FSTL4: variants seen among roughly 807,000 people sequenced by gnomAD.
FSTL4 encodes follistatin like 4, also known as follistatin-related protein 4.
In FSTL4, 28 loss-of-function variants were observed where a neutral mutation model predicts 78.2. The ratio of observed to expected loss-of-function variants is 0.36; its 90% confidence interval spans 0.27 to 0.49. The LOEUF is 0.49. FSTL4 is among the 20% of genes least tolerant of loss of function. The pLI is 0.98. For synonymous variants in FSTL4, 422 were observed against 440.5 expected (o/e 0.96, Z 0.53); for missense variants, 922 against 1,084.9 (o/e 0.85, Z 2.11).
chr5:133,431,120 C>T (rs1756927626), intron 3 of FSTL4, among the ~76,000 whole-genome samples: 1 of 152,192 alleles, frequency 6.6e-6, no homozygotes, highest in African/African-American at 2.4e-5. Flanking sequence ...CCCCAGGCCC[C>T]CATTCCCCCA....
intron 2 of FSTL4, among the ~76,000 whole-genome samples, chr5:133,602,860 G>T (rs1216980865): frequency 6.6e-6 from 1 of 152,200 alleles, no homozygotes; most frequent in African/African-American, 2.4e-5. Flanking sequence ...TAATGAAAGA[G>T]AAATCATGTC....
intron 3 of FSTL4, among the ~76,000 whole-genome samples, chr5:133,525,962 A>G (rs1759089154): frequency 1.3e-5 from 2 of 152,202 alleles, no homozygotes; most frequent in South Asian, 4.1e-4. Flanking sequence ...CATGCTCAGC[A>G]CTGTGCTGGG....
chr5:133,255,127 C>G (rs560200279), intron 6 of FSTL4, among the ~76,000 whole-genome samples: 1 of 152,178 alleles, frequency 6.6e-6, no homozygotes. Context: ...GACGACCAAA[C>G]GTGATATGCC....
At chr5:133,500,311 C>G (rs962526440) in intron 3 of FSTL4, among the ~76,000 whole-genome samples, 4 of 152,152 alleles carry the variant, frequency 2.6e-5, no homozygotes, top group Non-Finnish European at 5.9e-5. Context: ...TGCCAACGAC[C>G]CTTAGCATTG....
At chr5:133,478,822 G>C (rs1464825627) in intron 3 of FSTL4, among the ~76,000 whole-genome samples, 2 of 152,034 alleles carry the variant, frequency 1.3e-5, no homozygotes, top group Non-Finnish European at 2.9e-5. Context: ...TGGAAAGGAG[G>C]GTGCCTTGTT....
At chr5:133,301,233 C>T (rs1375829677) in intron 6 of FSTL4, among the ~76,000 whole-genome samples, 1 of 152,202 alleles carries the variant, frequency 6.6e-6, no homozygotes, top group African/African-American at 2.4e-5. Context: ...GTGCAGCCAG[C>T]ATCCTGCCAA....
chr5:133,390,128 C>T (rs1755807713), intron 4 of FSTL4, among the ~76,000 whole-genome samples: 1 of 152,190 alleles, frequency 6.6e-6, no homozygotes, highest in Admixed American at 6.5e-5. Flanking sequence ...AGAGACATGG[C>T]TGCTAAGTCC....
chr5:133,487,108 G>A (rs1758153783), intron 3 of FSTL4, among the ~76,000 whole-genome samples: 5 of 152,138 alleles, frequency 3.3e-5, no homozygotes, highest in Admixed American at 3.3e-4. Context: ...ATACACCAAT[G>A]AACTGCATAG....
intron 2 of FSTL4, among the ~76,000 whole-genome samples, chr5:133,589,751 T>C (rs889296758): frequency 3.9e-5 from 6 of 152,082 alleles, no homozygotes; most frequent in Non-Finnish European, 8.8e-5. Context: ...CTCAATGTCA[T>C]CAAATGTCCT....
the FSTL4 span, among the ~76,000 whole-genome samples, chr5:133,807,481 C>A: frequency 6.6e-6 from 1 of 152,210 alleles, no homozygotes; most frequent in East Asian, 1.9e-4. Flanking sequence ...GGATGTTCTG[C>A]AAACAGATGT....
the FSTL4 span, among the ~76,000 whole-genome samples, chr5:133,829,913 T>A: frequency 6.6e-6 from 1 of 152,010 alleles, no homozygotes; most frequent in Non-Finnish European, 1.5e-5. Context: ...TCTGGGAATC[T>A]AGTGATCTAC....
At chr5:133,747,683 T>C in the FSTL4 span, among the ~76,000 whole-genome samples, 4 of 152,168 alleles carry the variant, frequency 2.6e-5, no homozygotes, top group Non-Finnish European at 5.9e-5. Context: ...TGAATCTGGG[T>C]TAATTTTCTT....
chr5:133,732,112 A>C, the FSTL4 span, among the ~76,000 whole-genome samples: 1 of 152,320 alleles, frequency 6.6e-6, no homozygotes, highest in East Asian at 1.9e-4. Context: ...TGCTAAGGTC[A>C]ATCTAGAGCC....
chr5:133,780,388 A>G, the FSTL4 span, among the ~76,000 whole-genome samples: 1 of 151,730 alleles, frequency 6.6e-6, no homozygotes, highest in East Asian at 1.9e-4. Flanking sequence ...ATCTCTCTAA[A>G]ATTACCCTCC....
intron 4 of FSTL4, among the ~76,000 whole-genome samples, chr5:133,375,312 A>ATATATATATATATATATATATATCTATAT (rs1554109201): frequency 7.4e-6 from 1 of 134,664 alleles, no homozygotes; most frequent in Non-Finnish European, 1.6e-5. Flanking sequence ...ATATATATAT[A>ATATATATATATATATATATATATCTATAT]AAAGACTCTA....
chr5:133,623,225 A>G, the FSTL4 span, among the ~76,000 whole-genome samples: 1 of 151,502 alleles, frequency 6.6e-6, no homozygotes, highest in Non-Finnish European at 1.5e-5. Flanking sequence ...TTTTAATAGA[A>G]GAACAAAGTC....
chr5:133,698,633 G>A, the FSTL4 span, among the ~76,000 whole-genome samples: 6 of 152,252 alleles, frequency 3.9e-5, no homozygotes, highest in South Asian at 2.1e-4. Context: ...GTGATAATGC[G>A]TGTAACGTGC....
chr5:133,623,046 T>G, the FSTL4 span, among the ~76,000 whole-genome samples: 2 of 152,036 alleles, frequency 1.3e-5, no homozygotes, highest in African/African-American at 4.8e-5. Flanking sequence ...CTGTCTCCAT[T>G]TTGAGGGAAT....
chr5:133,474,118 C>T (rs1005792375), intron 3 of FSTL4, among the ~76,000 whole-genome samples: 1 of 152,154 alleles, frequency 6.6e-6, no homozygotes, highest in Non-Finnish European at 1.5e-5. Flanking sequence ...ATTTTCTTTC[C>T]ACCTTAGGCT....
Sources: allele counts gnomAD v4.1 joint callset (sites outside exome capture counted in the v4.1 genomes callset), GRCh38; gene constraint gnomAD v4.1.1; transcripts MANE v1.5; gene names NCBI Gene and HGNC (gene_info 2026-07-23, HGNC 2026-07-21).